Variants in NBAS observed in about 807,000 individuals in gnomAD.
The protein encoded by NBAS is NBAS subunit of NRZ tethering complex.
NBAS carries 219 observed loss-of-function variants against 302.5 expected under a neutral mutation model. The observed-to-expected ratio is 0.72, with a 90% CI of 0.65 to 0.81. NBAS has a LOEUF of 0.81. Among genes scored for constraint, NBAS ranks in the 30% least tolerant of loss-of-function variants. NBAS has a pLI of 0.00. For synonymous variants in NBAS, 1,118 were observed against 1,021.6 expected (o/e 1.09, Z -1.80); for missense variants, 2,932 against 2,841.6 (o/e 1.03, Z -0.72).
At chr2:15,110,997 A>G in the NBAS span, among the ~76,000 whole-genome samples, 3 of 152,176 alleles carry the variant, frequency 2.0e-5, no homozygotes, top group African/African-American at 4.8e-5. Flanking sequence ...ATACATCTAT[A>G]AGAAAAGAAA....
chr2:15,288,459 T>C (rs1211366232), intron 41 of NBAS, among the ~76,000 whole-genome samples: 1 of 151,946 alleles, frequency 6.6e-6, no homozygotes, highest in African/African-American at 2.4e-5. Context: ...TTCTCAGACA[T>C]AAGAGAGAAA....
intron 51 of NBAS, among the ~76,000 whole-genome samples, chr2:15,173,772 A>C (rs530275541): frequency 6.6e-6 from 1 of 152,094 alleles, no homozygotes; most frequent in East Asian, 1.9e-4. Flanking sequence ...CCAAACCCAC[A>C]TGCTGGATTT....
At chr2:15,016,772 C>T in the NBAS span, among the ~76,000 whole-genome samples, 5 of 151,970 alleles carry the variant, frequency 3.3e-5, no homozygotes, top group African/African-American at 7.2e-5. Context: ...GCATAAAAAT[C>T]GACTCATAGA....
the NBAS span, among the ~76,000 whole-genome samples, chr2:15,002,499 G>A: frequency 6.6e-6 from 1 of 152,192 alleles, no homozygotes; most frequent in Non-Finnish European, 1.5e-5. Flanking sequence ...CGGGACTGCA[G>A]GTGGAGCTGC....
In NBAS at chr2:15,327,806, C is replaced by A; in HGVS notation, c.4526G>T (p.Arg1509Ile). ...PVESFAEVLL[R>I]TGKLAEAKNK... ...TTTAGCCTCTGCCAATTTTCCAGTTCTCAGCAATACTTCTGCAAAGCTTTC... is the reference window on the plus strand; with the variant it reads ...TTTAGCCTCTGCCAATTTTCCAGTTATCAGCAATACTTCTGCAAAGCTTTC... The change falls in exon 38 of 52, where the codon AGA (arginine) becomes ATA (isoleucine). Residue 1509 changes from arginine (R) to isoleucine (I), a missense_variant. Arg to Ile is a moderately conservative substitution (Grantham distance 97). Coordinates refer to ENST00000281513, the MANE Select transcript of NBAS (RefSeq NM_015909.4). 2 of 1,613,668 alleles carry A rather than the reference C, an allele frequency of 1.2e-6. No homozygotes were observed. Among genetic ancestry groups the A allele is most frequent in the Non-Finnish European group, 1.7e-6 (2 of 1,179,770 alleles).
chr2:14,956,631 C>T, the NBAS span, among the ~76,000 whole-genome samples: 9 of 152,264 alleles, frequency 5.9e-5, no homozygotes, highest in South Asian at 4.1e-4. Context: ...GAAGCAAACA[C>T]GTCCTTCTTC....
the NBAS span, among the ~76,000 whole-genome samples, chr2:15,034,026 A>AGAAGAG: frequency 1.4e-4 from 7 of 50,082 alleles, no homozygotes; most frequent in Non-Finnish European, 2.5e-4. Context: ...AAGAAGAAGA[A>AGAAGAG]GAGGAGGAGG....
chr2:14,910,380 T>A, the NBAS span, among the ~76,000 whole-genome samples: 1 of 152,202 alleles, frequency 6.6e-6, no homozygotes, highest in East Asian at 1.9e-4. Flanking sequence ...ATAAGGAGTT[T>A]GCACTACCCT....
the NBAS span, among the ~76,000 whole-genome samples, chr2:15,070,370 G>C: frequency 1.3e-5 from 2 of 152,126 alleles, no homozygotes; most frequent in South Asian, 4.1e-4. Context: ...CACCCACATG[G>C]AGGCTGCAGG....
chr2:15,368,837 T>A (rs1014950461), intron 31 of NBAS, among the ~76,000 whole-genome samples: 2 of 152,206 alleles, frequency 1.3e-5, no homozygotes, highest in African/African-American at 4.8e-5. Flanking sequence ...TCCCTTCTAC[T>A]GTGACAAGAC....
intron 48 of NBAS, among the ~76,000 whole-genome samples, chr2:15,203,247 T>C (rs931049577): frequency 6.6e-6 from 1 of 152,210 alleles, no homozygotes; most frequent in African/African-American, 2.4e-5. Context: ...TGTCATACTT[T>C]AGCATTGAGA....
intron 28 of NBAS, among the ~76,000 whole-genome samples, chr2:15,391,095 G>C (rs1289572065): frequency 2.6e-5 from 4 of 151,244 alleles, no homozygotes; most frequent in Non-Finnish European, 1.5e-5. Context: ...GGGCGACAGA[G>C]CAAGATTCCA....
intron 40 of NBAS, among the ~76,000 whole-genome samples, chr2:15,299,433 G>A (rs572854709): frequency 6.6e-6 from 1 of 152,030 alleles, no homozygotes. Flanking sequence ...AATCTATTCT[G>A]GTTTAATAGT....
intron 40 of NBAS, among the ~76,000 whole-genome samples, chr2:15,304,672 T>C (rs892308446): frequency 6.6e-4 from 100 of 152,338 alleles, no homozygotes; most frequent in African/African-American, 2.3e-3. Context: ...GAGGAACTTG[T>C]TGGGGACAAA....
intron 23 of NBAS, among the ~76,000 whole-genome samples, chr2:15,419,333 ATATGTG>A (rs1269793569): frequency 0.01 from 541 of 51,576 alleles, 3 homozygotes; most frequent in African/African-American, 0.039. Flanking sequence ...TCATACATAT[ATATGTG>A]TGTGTGTGTG....
At chr2:15,030,126 C>T in the NBAS span, among the ~76,000 whole-genome samples, 1 of 152,126 alleles carries the variant, frequency 6.6e-6, no homozygotes, top group Non-Finnish European at 1.5e-5. Flanking sequence ...TTAATTTAAG[C>T]AGCTGTCTGT....
the NBAS span, among the ~76,000 whole-genome samples, chr2:15,145,922 G>A: frequency 6.6e-6 from 1 of 151,956 alleles, no homozygotes; most frequent in African/African-American, 2.4e-5. Flanking sequence ...TGCTTTCTTC[G>A]AGACTCCCTG....
the NBAS span, among the ~76,000 whole-genome samples, chr2:14,921,616 G>T: frequency 6.6e-6 from 1 of 152,180 alleles, no homozygotes; most frequent in African/African-American, 2.4e-5. Context: ...TGCTCCTGAA[G>T]CATGAGGTGC....
intron 49 of NBAS, among the ~76,000 whole-genome samples, chr2:15,189,658 C>T (rs1023136944): frequency 2.6e-5 from 4 of 152,132 alleles, no homozygotes; most frequent in Admixed American, 6.5e-5. Flanking sequence ...AAGTACCCCA[C>T]GCAGCTACGG....
Sources: gnomAD v4.1 joint callset for allele counts (sites outside exome capture counted in the v4.1 genomes callset) on GRCh38, gnomAD v4.1.1 for gene constraint, MANE v1.5 for transcripts, NCBI Gene and HGNC (gene_info 2026-07-23, HGNC 2026-07-21) for gene names.